EXOC4: variants seen among roughly 807,000 people sequenced by gnomAD.
EXOC4 encodes the protein SEC8-like 1.
A neutral mutation model predicts 107.2 loss-of-function variants in EXOC4; 71 were observed. The observed-to-expected ratio is 0.66, with a 90% CI of 0.55 to 0.81. EXOC4 has a LOEUF of 0.81. Among genes scored for constraint, EXOC4 ranks in the 30% least tolerant of loss-of-function variants. The pLI, the probability that EXOC4 is intolerant of heterozygous loss-of-function variation, is 0.00. For missense variants in EXOC4, 1,108 were observed against 1,189.6 expected (o/e 0.93, Z 1.01); for synonymous variants, 456 against 441.2 (o/e 1.03, Z -0.42).
At chr7:134,053,252 AG>A (rs1324334134) in intron 17 of EXOC4, among the ~76,000 whole-genome samples, 2 of 145,716 alleles carry the variant, frequency 1.4e-5, no homozygotes, top group Non-Finnish European at 3.0e-5. Flanking sequence ...AAAAAAAAAA[AG>A]AAGAAGAATT....
chr7:133,809,747 T>G (rs973883965), intron 10 of EXOC4, among the ~76,000 whole-genome samples: 4 of 152,186 alleles, frequency 2.6e-5, no homozygotes, highest in African/African-American at 9.7e-5. Context: ...AGTCAGGAGA[T>G]AGCAAAGTGA....
At chr7:133,417,766 C>T (rs1370971191) in intron 7 of EXOC4, among the ~76,000 whole-genome samples, 2 of 152,074 alleles carry the variant, frequency 1.3e-5, no homozygotes, top group African/African-American at 4.8e-5. Context: ...TTTTTACCCT[C>T]ATTTAAAATT....
intron 4 of EXOC4, among the ~76,000 whole-genome samples, chr7:133,308,279 C>T (rs941201007): frequency 6.6e-6 from 1 of 152,154 alleles, no homozygotes; most frequent in Non-Finnish European, 1.5e-5. Context: ...AAACCCTAAT[C>T]CCTGGTACCT....
At chr7:133,511,043 T>C (rs1769658360) in intron 9 of EXOC4, among the ~76,000 whole-genome samples, 1 of 152,024 alleles carries the variant, frequency 6.6e-6, no homozygotes, top group Non-Finnish European at 1.5e-5. Context: ...GTAGGTAAAA[T>C]ACCTAAAGTT....
At chr7:133,940,623 C>T (rs544956267) in intron 14 of EXOC4, among the ~76,000 whole-genome samples, 2 of 152,290 alleles carry the variant, frequency 1.3e-5, no homozygotes, top group South Asian at 4.2e-4. Flanking sequence ...GCAAGCCTGG[C>T]TCACCCCCAC....
chr7:133,558,642 A>G (rs1800749234), intron 9 of EXOC4, among the ~76,000 whole-genome samples: 1 of 152,114 alleles, frequency 6.6e-6, no homozygotes. Context: ...TTTTAAACAT[A>G]TAGATTTTAT....
rs79134239 is a variant in EXOC4, at chr7:133,781,795, G to T, written c.1515-35530G>T. ...GCTCAGACCCTCAACTCCCAATTGTGTTCTGGACTTACAACTCTTAATGCC... is the reference window on the plus strand; with the variant it reads ...GCTCAGACCCTCAACTCCCAATTGTTTTCTGGACTTACAACTCTTAATGCC... On this transcript the variant is annotated intron_variant, in intron 10 of 17. Transcript: ENST00000253861. Among the ~76,000 whole-genome samples, 231 of 152,242 alleles carry T rather than the reference G, an allele frequency of 1.5e-3. 2 individuals are homozygous for T. Among genetic ancestry groups the T allele is most frequent in the African/African-American group, 5.2e-3 (218 of 41,554 alleles).
At chr7:133,362,966 T>C (rs1367273523) in intron 6 of EXOC4, among the ~76,000 whole-genome samples, 2 of 152,204 alleles carry the variant, frequency 1.3e-5, no homozygotes, top group Non-Finnish European at 1.5e-5. Flanking sequence ...TGGCTTCTTA[T>C]AGCCATTCCC....
intron 9 of EXOC4, among the ~76,000 whole-genome samples, chr7:133,508,135 G>A (rs574868430): frequency 1.1e-3 from 171 of 151,940 alleles, no homozygotes; most frequent in African/African-American, 3.7e-3. Flanking sequence ...TGACTACAAA[G>A]GTACCTAACT....
Position 133,475,359 on chromosome 7 carries a change from A to G in EXOC4, c.1214A>G (p.Asn405Ser), listed in dbSNP as rs757004114. The change falls in exon 8 of 18, where the codon AAT (asparagine) becomes AGT (serine). Residue 405 changes from asparagine to serine, a missense_variant. By Grantham distance (46) the Asn-to-Ser change is conservative. Transcript: ENST00000253861. The part of the protein sequence containing the change: ...MLLTEYLDMK[N>S]TRTASEPSAQ... ...TTAACTGAGTACTTGGATATGAAAA[A>G]TACTCGTACGGCCTCTGAACCATCA... 3.8e-5 allele frequency: 62 copies of G among 1,613,680 alleles called. No individual in the cohort carries two copies. Among genetic ancestry groups the G allele is most frequent in the Middle Eastern group, 3.3e-4 (2 of 6,082 alleles).
chr7:133,356,581 G>C lies in EXOC4; in HGVS notation c.1007+8G>C, dbSNP rs891623627. 8.1e-6 allele frequency: 13 copies of C among 1,613,268 alleles called. No homozygotes were observed. The African/African-American group carries it at 1.2e-4, about 15-fold the overall frequency. On this transcript the variant is annotated splice_region_variant and intron_variant, in intron 6 of 17. Coordinates refer to ENST00000253861, the MANE Select transcript of EXOC4 (RefSeq NM_021807.4). ...TGTGGAGAACCAACCAAGGTAGGTG[G>C]GAGTGTATTTTGTATTTTTGACAAC...
intron 10 of EXOC4, among the ~76,000 whole-genome samples, chr7:133,759,144 ATTTTTT>A (rs34768347): frequency 3.2e-4 from 45 of 140,672 alleles, no homozygotes; most frequent in Admixed American, 1.6e-3. Context: ...CAACAAAAGA[ATTTTTT>A]TTTTTTTTTT....
downstream of EXOC4, among the ~76,000 whole-genome samples, chr7:134,067,651 A>ACG (rs1796205976): frequency 5.1e-5 from 1 of 19,506 alleles, no homozygotes; most frequent in African/African-American, 3.4e-4. Context: ...ACACACACAC[A>ACG]CACACACACA....
chr7:133,853,051 C>T (rs1040766903), intron 11 of EXOC4, among the ~76,000 whole-genome samples: 2 of 152,096 alleles, frequency 1.3e-5, no homozygotes, highest in Non-Finnish European at 1.5e-5. Flanking sequence ...CTTTTTGCTC[C>T]TAATGTTCAG....
intron 17 of EXOC4, chr7:134,009,768 A>C (rs549846087): frequency 1.3e-5 from 2 of 152,262 alleles, no homozygotes; most frequent in South Asian, 4.1e-4. Context: ...TCCTAAATTC[A>C]ATCATCCTAT....
chr7:133,753,997 A>G (rs1795847198), intron 10 of EXOC4, among the ~76,000 whole-genome samples: 1 of 152,236 alleles, frequency 6.6e-6, no homozygotes, highest in African/African-American at 2.4e-5. Flanking sequence ...TAATCTTCAC[A>G]TCTTTGATGC....
At chr7:133,706,895 C>T (rs1370284403) in intron 10 of EXOC4, among the ~76,000 whole-genome samples, 2 of 152,112 alleles carry the variant, frequency 1.3e-5, no homozygotes, top group Admixed American at 6.5e-5. Context: ...ATCTAAGCAC[C>T]TCCCAAAGGC....
intron 11 of EXOC4, among the ~76,000 whole-genome samples, chr7:133,818,720 G>C (rs1797434584): frequency 6.6e-6 from 1 of 152,010 alleles, no homozygotes; most frequent in Admixed American, 6.6e-5. Context: ...TGCATGGCTG[G>C]GGTCTTCTCC....
Position 133,383,459 on chromosome 7 carries a change from T to C in EXOC4, c.1182+8457T>C, listed in dbSNP as rs1174261492. The stretch of plus-strand genomic sequence containing the variant: ...TTTTTTTAGTGCCTTGATTTCTTTT[T>C]TCTGGAGATTAATGGAGACAGAATG... On this transcript the variant is annotated intron_variant, in intron 7 of 17. Coordinates refer to ENST00000253861, the MANE Select transcript of EXOC4 (RefSeq NM_021807.4). Among the ~76,000 whole-genome samples, 6 of 152,216 alleles carry C rather than the reference T, an allele frequency of 3.9e-5. No homozygotes were observed. The East Asian group carries it at 9.6e-4, about 24-fold the overall frequency.
Sources: allele counts gnomAD v4.1 joint callset (sites outside exome capture counted in the v4.1 genomes callset), GRCh38; gene constraint gnomAD v4.1.1; transcripts MANE v1.5; gene names NCBI Gene and HGNC (gene_info 2026-07-23, HGNC 2026-07-21).